PDE1C: variants seen among roughly 807,000 people sequenced by gnomAD.
The protein encoded by PDE1C is dual specificity calcium/calmodulin-dependent 3',5'-cyclic nucleotide phosphodiesterase 1C.
Under a neutral mutation model 93.1 loss-of-function variants are expected in PDE1C, and 62 were observed. The observed-to-expected ratio is 0.67, with a 90% CI of 0.54 to 0.82. The LOEUF (loss-of-function observed/expected upper bound fraction) is 0.82. Ranked by LOEUF, PDE1C falls within the 40% of genes least tolerant of loss-of-function variation. The probability of loss-of-function intolerance (pLI) is 0.00; values close to 1 mark genes in which losing one functional copy is unlikely to be tolerated. For missense variants in PDE1C, 742 were observed against 884.6 expected (o/e 0.84, Z 2.04); for synonymous variants, 325 against 310.1 (o/e 1.05, Z -0.50).
intron 6 of PDE1C, among the ~76,000 whole-genome samples, chr7:31,868,425 T>C (rs1373297957): frequency 6.6e-6 from 1 of 152,036 alleles, no homozygotes; most frequent in African/African-American, 2.4e-5. Flanking sequence ...TTTGAAACCT[T>C]CAACAGTAGA....
downstream of PDE1C, among the ~76,000 whole-genome samples, chr7:31,747,775 C>T (rs897665685): frequency 1.3e-5 from 2 of 149,638 alleles, no homozygotes; most frequent in African/African-American, 4.9e-5. Flanking sequence ...CCCTCATGCA[C>T]TGAGTCTGCC....
upstream of PDE1C, among the ~76,000 whole-genome samples, chr7:32,303,125 A>G (rs1562663696): frequency 6.6e-6 from 1 of 152,200 alleles, no homozygotes; most frequent in Admixed American, 6.5e-5. Context: ...GTCCCAGTTC[A>G]TTCCAGGTCC....
chr7:31,635,479 A>G, the PDE1C span, among the ~76,000 whole-genome samples: 9 of 152,300 alleles, frequency 5.9e-5, no homozygotes, highest in African/African-American at 1.9e-4. Context: ...TGAGGTTCCC[A>G]ATGTCTGATT....
chr7:32,378,325 A>G (rs565323815), intron 1 of PDE1C, among the ~76,000 whole-genome samples: 2 of 152,298 alleles, frequency 1.3e-5, no homozygotes, highest in South Asian at 2.1e-4. Flanking sequence ...AGTAGATACA[A>G]TGGGAGTGGG....
chr7:32,412,709 T>A (rs113458567), intron 1 of PDE1C, among the ~76,000 whole-genome samples: 1 of 102 alleles, frequency 9.8e-3, no homozygotes, highest in Non-Finnish European at 0.025. Context: ...TTGCCCGAAA[T>A]TCGTTATGCA....
chr7:32,331,796 C>G (rs1783521580), intron 1 of PDE1C, among the ~76,000 whole-genome samples: 1 of 152,148 alleles, frequency 6.6e-6, no homozygotes, highest in Non-Finnish European at 1.5e-5. Flanking sequence ...ACAAGGTCAT[C>G]TGAAAAATCT....
chr7:31,983,600 G>A (rs1418171351), intron 2 of PDE1C, among the ~76,000 whole-genome samples: 1 of 151,784 alleles, frequency 6.6e-6, no homozygotes, highest in Admixed American at 6.6e-5. Flanking sequence ...GGGTGACAGA[G>A]CAAGACCCTG....
chr7:32,013,233 C>T (rs1787404469), intron 2 of PDE1C, among the ~76,000 whole-genome samples: 1 of 152,138 alleles, frequency 6.6e-6, no homozygotes, highest in Non-Finnish European at 1.5e-5. Context: ...GAGTCATGAT[C>T]TCCCCTACTA....
rs1783738741 is a variant in PDE1C at position 31,988,725 on chromosome 7, A to G, written c.128+62829T>C. 2.0e-5 allele frequency among the ~76,000 whole-genome samples: 3 copies of G among 152,276 alleles called. 1 individual carries two copies. The South Asian group carries it at 6.2e-4, about 32-fold the overall frequency. On this transcript the variant is annotated intron_variant, in intron 2 of 17. Coordinates refer to ENST00000396191, the MANE Select transcript of PDE1C (RefSeq NM_001191057.4). ...AAACAAATAAATACAGGCTTGGCAC[A>G]GTGGCTTACGCCTGTAATCCCAGCA...
At chr7:32,069,130 A>G (rs1163264232) in intron 1 of PDE1C, among the ~76,000 whole-genome samples, 4 of 152,224 alleles carry the variant, frequency 2.6e-5, no homozygotes, top group Admixed American at 1.3e-4. Flanking sequence ...CACTTGGACT[A>G]TATATGGAAT....
At chr7:32,270,587 G>T (rs1042569534) in intron 1 of PDE1C, among the ~76,000 whole-genome samples, 1 of 152,146 alleles carries the variant, frequency 6.6e-6, no homozygotes, top group Non-Finnish European at 1.5e-5. Flanking sequence ...GAAACTCTAC[G>T]TGTAAGGAGC....
the PDE1C span, among the ~76,000 whole-genome samples, chr7:31,732,636 T>TTGTG: frequency 0.032 from 3,301 of 103,108 alleles, 107 homozygotes; most frequent in Middle Eastern, 0.065. Context: ...TCTCCTCTCT[T>TTGTG]TCTGTGTGTG....
chr7:32,284,290 T>C (rs1345033416), intron 1 of PDE1C, among the ~76,000 whole-genome samples: 3 of 152,192 alleles, frequency 2.0e-5, no homozygotes, highest in African/African-American at 7.2e-5. Flanking sequence ...GGCAAACTGC[T>C]ATGGTGGAAG....
intron 17 of PDE1C, among the ~76,000 whole-genome samples, chr7:31,770,213 T>C (rs1795396117): frequency 1.3e-5 from 2 of 152,216 alleles, no homozygotes; most frequent in African/African-American, 4.8e-5. Context: ...TTTGGAGAAA[T>C]GTTTGTTCAA....
At position 32,378,447 on chromosome 7, in the gene PDE1C, G is replaced by C. The variant is rs62456333; in HGVS notation, c.310+49375C>G. Among the ~76,000 whole-genome samples the C allele has an allele frequency of 1.7e-3, 252 of 152,126 alleles. 1 individual carries two copies. In the Middle Eastern group the frequency reaches 0.017, roughly 10 times the overall value. On this transcript the variant is annotated intron_variant, in intron 1 of 1. Transcript: ENST00000672256. ...AATACCCCTTCCCCAAAACTCCACT[G>C]CCTTTGTAAAGCTAATGAGAGACCA...
At chr7:31,933,916 T>C (rs1420884412) in intron 2 of PDE1C, among the ~76,000 whole-genome samples, 1 of 152,206 alleles carries the variant, frequency 6.6e-6, no homozygotes, top group Non-Finnish European at 1.5e-5. Context: ...TCTTTATAAA[T>C]TACCCAGTCT....
intron 3 of PDE1C, among the ~76,000 whole-genome samples, chr7:32,097,615 C>T (rs1234172205): frequency 6.6e-6 from 1 of 152,044 alleles, no homozygotes. Context: ...ACAAAGCATC[C>T]CATGGTGAGA....
At chr7:31,845,796 G>C (rs576012172) in intron 9 of PDE1C, among the ~76,000 whole-genome samples, 1 of 152,184 alleles carries the variant, frequency 6.6e-6, no homozygotes, top group African/African-American at 2.4e-5. Context: ...TTCGAGACCA[G>C]CCTGACCAAA....
intron 1 of PDE1C, among the ~76,000 whole-genome samples, chr7:32,238,259 A>T (rs1362062919): frequency 6.6e-6 from 1 of 152,230 alleles, no homozygotes; most frequent in Non-Finnish European, 1.5e-5. Flanking sequence ...TGGCAATACG[A>T]ATTTATAAAG....
Sources: gnomAD v4.1 joint callset for allele counts (sites outside exome capture counted in the v4.1 genomes callset) on GRCh38, gnomAD v4.1.1 for gene constraint, MANE v1.5 for transcripts, NCBI Gene and HGNC (gene_info 2026-07-23, HGNC 2026-07-21) for gene names.